RUNX1: variants seen among roughly 807,000 people sequenced by gnomAD.
RUNX1 encodes the protein RUNX family transcription factor 1.
Under a neutral mutation model 42.8 loss-of-function variants are expected in RUNX1, and 19 were observed. The ratio of observed to expected loss-of-function variants is 0.44; its 90% CI spans 0.31 to 0.65. RUNX1 has a LOEUF of 0.65. RUNX1 is among the 30% of genes least tolerant of loss of function. The pLI is 0.07. For missense variants in RUNX1, 528 were observed against 672.0 expected, an observed-to-expected ratio of 0.79 and a Z score of 2.37; for synonymous variants, 271 against 289.4, an observed-to-expected ratio of 0.94 and a Z score of 0.64.
At chr21:34,943,017 T>C (rs2058538868) in intron 2 of RUNX1, among the ~76,000 whole-genome samples, 1 of 152,236 alleles carries the variant, frequency 6.6e-6, no homozygotes, top group Non-Finnish European at 1.5e-5. Flanking sequence ...TGGCAGCTTT[T>C]AACCCGTGTC....
chr21:35,037,645 C>T (rs1006333357), intron 2 of RUNX1, among the ~76,000 whole-genome samples: 4 of 152,204 alleles, frequency 2.6e-5, no homozygotes, highest in Non-Finnish European at 5.9e-5. Flanking sequence ...CCTTTCCCAG[C>T]AGCCTAACCA....
intron 2 of RUNX1, among the ~76,000 whole-genome samples, chr21:35,044,895 G>C: frequency 6.6e-6 from 1 of 152,166 alleles, no homozygotes; most frequent in East Asian, 1.9e-4. Flanking sequence ...ATTCAGAATC[G>C]GGTCAGTTGC....
At chr21:34,810,524 AG>A (rs2056744299) in intron 7 of RUNX1, among the ~76,000 whole-genome samples, 1 of 152,232 alleles carries the variant, frequency 6.6e-6, no homozygotes, top group Non-Finnish European at 1.5e-5. Context: ...TCTCTCTAAA[AG>A]CCAAAAGGGC....
intron 2 of RUNX1, among the ~76,000 whole-genome samples, chr21:35,000,236 CTTTTTTTT>C (rs397866864): frequency 9.0e-6 from 1 of 110,968 alleles, no homozygotes; most frequent in Non-Finnish European, 1.9e-5. Context: ...TTCTTTCTTT[CTTTTTTTT>C]TTTTTTTTTT....
intron 2 of RUNX1, among the ~76,000 whole-genome samples, chr21:35,027,005 T>C (rs2059242190): frequency 6.6e-6 from 1 of 152,218 alleles, no homozygotes; most frequent in South Asian, 2.1e-4. Flanking sequence ...CATCCCAGGC[T>C]CTTTGAAAGA....
At chr21:34,906,162 T>A (rs1429500365) in intron 2 of RUNX1, among the ~76,000 whole-genome samples, 1 of 152,242 alleles carries the variant, frequency 6.6e-6, no homozygotes, top group African/African-American at 2.4e-5. Flanking sequence ...ATTGGCTTTG[T>A]TGGTCAAGAA....
At chr21:34,819,841 C>T (rs889133846) in intron 7 of RUNX1, among the ~76,000 whole-genome samples, 13 of 152,234 alleles carry the variant, frequency 8.5e-5, no homozygotes, top group African/African-American at 1.9e-4. Flanking sequence ...CTGTCACACT[C>T]GCACACCTGT....
At chr21:34,886,759 G>C (rs1365344919) in intron 4 of RUNX1, 84 bp downstream of exon 4, 1 of 1,598,632 alleles carries the variant, frequency 6.3e-7, no homozygotes, top group Admixed American at 1.7e-5. Flanking sequence ...ATCCGGCCCC[G>C]CCCGCCTGGC....
intron 2 of RUNX1, among the ~76,000 whole-genome samples, chr21:34,947,083 T>C (rs1382936442): frequency 6.6e-6 from 1 of 152,242 alleles, no homozygotes; most frequent in Admixed American, 6.5e-5. Context: ...TGGCACTCTA[T>C]CTGTGCCTCA....
chr21:34,895,271 T>C (rs779722974), intron 2 of RUNX1, among the ~76,000 whole-genome samples: 71 of 152,342 alleles, frequency 4.7e-4, no homozygotes, highest in South Asian at 1.7e-3. Context: ...AGGGCATCTT[T>C]AGGACTTTCC....
intron 2 of RUNX1, among the ~76,000 whole-genome samples, chr21:34,927,620 C>T (rs965514912): frequency 2.0e-5 from 3 of 152,126 alleles, no homozygotes; most frequent in Non-Finnish European, 4.4e-5. Flanking sequence ...TCCCTTGCCT[C>T]GAATTTGCCA....
intron 7 of RUNX1, among the ~76,000 whole-genome samples, chr21:34,817,678 C>T (rs907387245): frequency 1.3e-5 from 2 of 152,200 alleles, no homozygotes; most frequent in Admixed American, 6.5e-5. Flanking sequence ...AGGCTCCTTA[C>T]TGTTGGCTCT....
intron 2 of RUNX1, among the ~76,000 whole-genome samples, chr21:34,915,831 T>C (rs971080088): frequency 9.9e-5 from 15 of 152,116 alleles, no homozygotes; most frequent in Non-Finnish European, 4.4e-5. Context: ...ATTATACAAA[T>C]ATGAAAAAAG....
intron 2 of RUNX1, among the ~76,000 whole-genome samples, chr21:34,970,732 C>T (rs557245850): frequency 1.3e-5 from 2 of 152,276 alleles, no homozygotes; most frequent in South Asian, 4.1e-4. Context: ...TGGTTGTGTT[C>T]TTGTATGGAC....
intron 7 of RUNX1, among the ~76,000 whole-genome samples, chr21:34,804,707 A>T (rs2145927989): frequency 6.6e-6 from 1 of 152,102 alleles, no homozygotes; most frequent in Non-Finnish European, 1.5e-5. Context: ...ACAAGGTGCA[A>T]GAAGAGATGG....
chr21:34,899,777 G>A (rs1370507512), intron 2 of RUNX1, among the ~76,000 whole-genome samples: 1 of 152,214 alleles, frequency 6.6e-6, no homozygotes, highest in Non-Finnish European at 1.5e-5. Context: ...GTTGCAGCCA[G>A]CAGCTTGCAA....
chr21:34,956,900 A>T (rs1005062035), intron 2 of RUNX1, among the ~76,000 whole-genome samples: 2 of 152,230 alleles, frequency 1.3e-5, no homozygotes, highest in African/African-American at 4.8e-5. Flanking sequence ...CTTGTTCCTC[A>T]GTCTTGAATT....
chr21:34,999,398 C>T (rs2059023147), intron 2 of RUNX1, among the ~76,000 whole-genome samples: 1 of 152,188 alleles, frequency 6.6e-6, no homozygotes, highest in African/African-American at 2.4e-5. Flanking sequence ...CAAGATACAT[C>T]AAGGTCATGG....
intron 8 of RUNX1, among the ~76,000 whole-genome samples, chr21:34,795,843 A>G (rs2056519456): frequency 6.6e-6 from 1 of 152,242 alleles, no homozygotes; most frequent in Admixed American, 6.5e-5. Flanking sequence ...TCTACGGAGA[A>G]GCTGGGACAG....
Sources: gnomAD v4.1 joint callset for allele counts (sites outside exome capture counted in the v4.1 genomes callset) on GRCh38, gnomAD v4.1.1 for gene constraint, MANE v1.5 for transcripts, NCBI Gene and HGNC (gene_info 2026-07-23, HGNC 2026-07-21) for gene names.